The following DIP2C variants were observed in gnomAD, a reference collection of about 807,000 sequenced individuals.
The protein encoded by DIP2C is DIP2 acetate--CoA ligase C (putative), also known as disco-interacting protein 2 homolog C.
A neutral mutation model predicts 192.4 loss-of-function variants in DIP2C; 33 were observed. That is an observed-to-expected ratio of 0.17 (90% CI 0.13 to 0.23). DIP2C has a LOEUF of 0.23. DIP2C is among the 10% of genes least tolerant of loss of function. The pLI, the probability that DIP2C is intolerant of heterozygous loss-of-function variation, is 1.00. For missense variants in DIP2C, 1,537 were observed against 2,110.1 expected, an observed-to-expected ratio of 0.73 and a Z score of 5.32; for synonymous variants, 979 against 864.1, an observed-to-expected ratio of 1.13 and a Z score of -2.33.
At chr10:353,934 C>T (rs1019950680) in intron 24 of DIP2C, among the ~76,000 whole-genome samples, 8 of 152,172 alleles carry the variant, frequency 5.3e-5, no homozygotes, top group South Asian at 2.1e-4. Flanking sequence ...CGGTGCTGAA[C>T]AGGGAAGCTG....
chr10:387,235 G>A (rs1378753221), intron 14 of DIP2C, among the ~76,000 whole-genome samples: 2 of 152,202 alleles, frequency 1.3e-5, no homozygotes, highest in Admixed American at 6.5e-5. Flanking sequence ...TTCGGCAGCT[G>A]TAACCTCAAT....
chr10:684,969 C>G (rs1330420812), intron 1 of DIP2C, among the ~76,000 whole-genome samples: 1 of 151,300 alleles, frequency 6.6e-6, no homozygotes, highest in Non-Finnish European at 1.5e-5. Flanking sequence ...CCCATCTCTA[C>G]TAAAAATACA....
Position 631,990 on chromosome 10 carries a change from A to T in DIP2C, c.85+57504T>A, listed in dbSNP as rs74831617. Among the ~76,000 whole-genome samples, 1,446 of 152,366 alleles carry T rather than the reference A, an allele frequency of 9.5e-3. 29 individuals carry two copies. Among genetic ancestry groups the T allele is most frequent in the African/African-American group, 0.033 (1,371 of 41,578 alleles). On this transcript the variant is annotated intron_variant, in intron 1 of 36. Coordinates refer to ENST00000280886, the MANE Select transcript of DIP2C (RefSeq NM_014974.3). ...ACTTTAGAAAGTATTAAGCGTAATC[A>T]AAGATTACTTTTAATTTTTGAGCTG...
chr10:644,740 G>T (rs1236711598), intron 1 of DIP2C, among the ~76,000 whole-genome samples: 5 of 152,228 alleles, frequency 3.3e-5, no homozygotes, highest in African/African-American at 1.2e-4. Context: ...ACTTCAGGGA[G>T]CCTGGGCAGG....
chr10:598,591 A>AC (rs964392584), intron 1 of DIP2C, among the ~76,000 whole-genome samples: 18 of 104,680 alleles, frequency 1.7e-4, no homozygotes, highest in African/African-American at 4.8e-4. Flanking sequence ...ACCCCTCCCC[A>AC]CCCCCTCCTA....
At chr10:657,099 G>T (rs552370903) in intron 1 of DIP2C, among the ~76,000 whole-genome samples, 82 of 151,908 alleles carry the variant, frequency 5.4e-4, no homozygotes, top group South Asian at 3.6e-3. Flanking sequence ...ACTTGACACT[G>T]GACCTGCCCC....
chr10:449,886 A>G (rs1444063141), intron 3 of DIP2C, among the ~76,000 whole-genome samples: 2 of 150,550 alleles, frequency 1.3e-5, no homozygotes, highest in African/African-American at 2.5e-5. Context: ...AACTACAGTC[A>G]TGTGCCAAAT....
chr10:514,919 A>T lies in DIP2C; in HGVS notation c.86-28389T>A, dbSNP rs1846253999. On this transcript the variant is annotated intron_variant, in intron 1 of 36. Transcript: ENST00000280886. ...CTGCAATAACCTCATTTCTGTAGCT[A>T]AGCAACTTCAGTAGTAGCAAAAAAC... Among the ~76,000 whole-genome samples, 2 of 152,196 alleles carry T rather than the reference A, an allele frequency of 1.3e-5. 1 individual carries two copies. Among genetic ancestry groups the T allele is most frequent in the Admixed American group, 1.3e-4 (2 of 15,276 alleles).
At chr10:472,224 A>C (rs1970686823) in intron 3 of DIP2C, among the ~76,000 whole-genome samples, 1 of 152,218 alleles carries the variant, frequency 6.6e-6, no homozygotes, top group Admixed American at 6.5e-5. Flanking sequence ...TGCAATTCTG[A>C]ATAGTAGCCA....
chr10:323,386 G>C (rs1358471302), intron 31 of DIP2C, among the ~76,000 whole-genome samples: 1 of 127,518 alleles, frequency 7.8e-6, no homozygotes, highest in South Asian at 3.2e-4. Flanking sequence ...ACAGTCAGTC[G>C]GGGGTGCGGG....
intron 1 of DIP2C, among the ~76,000 whole-genome samples, chr10:510,753 G>A (rs540730233): frequency 3.3e-5 from 5 of 152,332 alleles, no homozygotes; most frequent in South Asian, 4.1e-4. Flanking sequence ...TGTTTCCAGC[G>A]CCTCCGTGTG....
chr10:422,336 G>A (rs1966247769), intron 5 of DIP2C, among the ~76,000 whole-genome samples: 1 of 152,200 alleles, frequency 6.6e-6, no homozygotes, highest in Non-Finnish European at 1.5e-5. Context: ...TCATAGGGCA[G>A]TGATCCTAAC....
chr10:406,293 C>T (rs1964802589), intron 9 of DIP2C, among the ~76,000 whole-genome samples: 2 of 152,218 alleles, frequency 1.3e-5, no homozygotes, highest in Admixed American at 1.3e-4. Flanking sequence ...TAGCATGAAG[C>T]ACAATCACAA....
chr10:298,023 C>T (rs557514420), intron 32 of DIP2C, among the ~76,000 whole-genome samples: 2 of 152,302 alleles, frequency 1.3e-5, no homozygotes, highest in South Asian at 4.1e-4. Flanking sequence ...GCCCCAGTCT[C>T]AGAATGCGCA....
At chr10:581,496 G>T (rs947051050) in intron 1 of DIP2C, among the ~76,000 whole-genome samples, 2 of 152,128 alleles carry the variant, frequency 1.3e-5, no homozygotes, top group African/African-American at 2.4e-5. Flanking sequence ...TTTTTAAGTT[G>T]CAATACTTAA....
At chr10:649,248 C>T (rs11253299) in intron 1 of DIP2C, among the ~76,000 whole-genome samples, 1 of 110,996 alleles carries the variant, frequency 9.0e-6, no homozygotes, top group African/African-American at 3.4e-5. Context: ...TGATGGTGGG[C>T]GAGAACAGAG....
chr10:329,203 G>A (rs1030588735), intron 30 of DIP2C, among the ~76,000 whole-genome samples: 1 of 152,162 alleles, frequency 6.6e-6, no homozygotes, highest in Non-Finnish European at 1.5e-5. Flanking sequence ...GGAATGACAG[G>A]CATTGAAAAT....
At position 363,448 on chromosome 10, in the gene DIP2C, C is replaced by T. The variant is rs1456828726; in HGVS notation, c.2478-137G>A. 7 of 705,498 alleles carry T rather than the reference C, an allele frequency of 9.9e-6. 1 individual carries two copies. The highest frequency in any genetic ancestry group is 8.2e-5 in the East Asian group (3 of 36,716). The allele number at this position is 705,498 out of a possible 1,614,324, so 43.7% of individuals were successfully genotyped here. On this transcript the variant is annotated intron_variant, in intron 20 of 36. Transcript: ENST00000280886. The surrounding 1 kb of genome is among the most constrained non-coding windows in gnomAD (Gnocchi z 5.4). ...GACTTCAAAACGGCCGCTGTACTTC[C>T]GAATTTCCCCACACTCATCAGTACG...
At chr10:581,701 G>T (rs910656534) in intron 1 of DIP2C, among the ~76,000 whole-genome samples, 1 of 152,150 alleles carries the variant, frequency 6.6e-6, no homozygotes. Flanking sequence ...GCAGTGAGCC[G>T]GGGCTGGCTG....
Sources: allele counts gnomAD v4.1 joint callset (sites outside exome capture counted in the v4.1 genomes callset), GRCh38; gene constraint gnomAD v4.1.1; non-coding constraint Gnocchi (gnomAD v3.1); transcripts MANE v1.5; gene names NCBI Gene and HGNC (gene_info 2026-07-23, HGNC 2026-07-21).